Variants in SGCD observed in about 807,000 individuals in gnomAD.
The protein encoded by SGCD is delta-sarcoglycan.
Under a neutral mutation model 36.6 loss-of-function variants are expected in SGCD, and 18 were observed. That is an observed-to-expected ratio of 0.49 (90% CI 0.34 to 0.73). SGCD has a LOEUF of 0.73. Ranked by LOEUF, SGCD falls within the 30% of genes least tolerant of loss-of-function variation. SGCD has a pLI of 0.01. For synonymous variants in SGCD, 133 were observed against 130.6 expected, an observed-to-expected ratio of 1.02 and a Z score of -0.12; for missense variants, 387 against 346.7, an observed-to-expected ratio of 1.12 and a Z score of -0.92.
At chr5:156,346,591 C>T (rs1475910491) in intron 3 of SGCD, among the ~76,000 whole-genome samples, 2 of 152,140 alleles carry the variant, frequency 1.3e-5, no homozygotes, top group Non-Finnish European at 1.5e-5. Context: ...TGAGACATCA[C>T]ATCCAGCTAA....
At chr5:156,240,670 A>C (rs899244746) in intron 3 of SGCD, among the ~76,000 whole-genome samples, 1 of 152,136 alleles carries the variant, frequency 6.6e-6, no homozygotes, top group Admixed American at 6.5e-5. Flanking sequence ...AATTTGGCAG[A>C]GTGCTTCTTC....
At chr5:155,909,103 G>A (rs1360436844) in intron 1 of SGCD, among the ~76,000 whole-genome samples, 1 of 151,988 alleles carries the variant, frequency 6.6e-6, no homozygotes, top group Non-Finnish European at 1.5e-5. Context: ...GAGAGGGTGG[G>A]GAATAATCTG....
chr5:156,465,054 T>C (rs1349628933), intron 3 of SGCD, among the ~76,000 whole-genome samples: 1 of 152,060 alleles, frequency 6.6e-6, no homozygotes, highest in Admixed American at 6.6e-5. Flanking sequence ...ATAAATTGGA[T>C]GTTACTGGAC....
intron 2 of SGCD, among the ~76,000 whole-genome samples, chr5:156,119,253 T>A (rs1435602445): frequency 2.0e-5 from 3 of 152,254 alleles, no homozygotes; most frequent in Middle Eastern, 3.4e-3. Flanking sequence ...CAGAACTAGG[T>A]TTAATCAGAA....
At chr5:156,409,533 T>A (rs1772628524) in intron 3 of SGCD, among the ~76,000 whole-genome samples, 1 of 152,204 alleles carries the variant, frequency 6.6e-6, no homozygotes, top group African/African-American at 2.4e-5. Flanking sequence ...AGCATACCCC[T>A]TTCCTTTCCT....
chr5:156,117,805 A>C (rs1428100794), intron 1 of SGCD: 1 of 152,118 alleles, frequency 6.6e-6, no homozygotes, highest in Non-Finnish European at 1.5e-5. Context: ...ATATCAAAAC[A>C]AAATAATATC....
chr5:155,999,754 A>AAT (rs2127567516), intron 1 of SGCD, among the ~76,000 whole-genome samples: 1 of 152,350 alleles, frequency 6.6e-6, no homozygotes, highest in East Asian at 1.9e-4. Context: ...CAGATGGGTA[A>AAT]ATGTCCTTCT....
intron 3 of SGCD, among the ~76,000 whole-genome samples, chr5:156,255,838 C>G (rs1037747816): frequency 3.3e-5 from 5 of 151,760 alleles, no homozygotes; most frequent in African/African-American, 1.2e-4. Flanking sequence ...GTATTTTTTT[C>G]TATTTTAATA....
chr5:156,623,435 C>T (rs549625869), intron 6 of SGCD, among the ~76,000 whole-genome samples: 7 of 152,178 alleles, frequency 4.6e-5, no homozygotes, highest in Non-Finnish European at 1.0e-4. Context: ...GAAAAAGAGT[C>T]GTGCAGCCTG....
At chr5:156,638,820 G>A (rs1762926031) in intron 6 of SGCD, among the ~76,000 whole-genome samples, 1 of 152,032 alleles carries the variant, frequency 6.6e-6, no homozygotes, top group African/African-American at 2.4e-5. Context: ...TTGCCAGGAT[G>A]TTTTTATACG....
chr5:156,338,899 C>G (rs1010591753), intron 2 of SGCD, among the ~76,000 whole-genome samples: 2 of 152,142 alleles, frequency 1.3e-5, no homozygotes, highest in Non-Finnish European at 2.9e-5. Flanking sequence ...CTTGACTTCA[C>G]AAGCCCAAGT....
intron 1 of SGCD, among the ~76,000 whole-genome samples, chr5:155,921,681 T>A (rs545036181): frequency 6.6e-6 from 1 of 152,158 alleles, no homozygotes; most frequent in Non-Finnish European, 1.5e-5. Context: ...AAACCTGAAC[T>A]CAGGCAAAAA....
At chr5:156,350,006 C>A (rs931720785) in intron 3 of SGCD, among the ~76,000 whole-genome samples, 11 of 151,544 alleles carry the variant, frequency 7.3e-5, no homozygotes, top group African/African-American at 2.7e-4. Context: ...ACCACATGTT[C>A]TTTTTGATAA....
At chr5:156,551,387 C>T (rs1013814290) in intron 4 of SGCD, among the ~76,000 whole-genome samples, 4 of 152,166 alleles carry the variant, frequency 2.6e-5, no homozygotes, top group African/African-American at 9.7e-5. Flanking sequence ...CAAATATGCA[C>T]ACTCTTTCTC....
chr5:156,386,185 T>C (rs1771267558), intron 3 of SGCD, among the ~76,000 whole-genome samples: 1 of 152,176 alleles, frequency 6.6e-6, no homozygotes, highest in Non-Finnish European at 1.5e-5. Flanking sequence ...TGAATCAGAT[T>C]GTGTGGTCAG....
the SGCD span, among the ~76,000 whole-genome samples, chr5:155,744,987 G>A: frequency 1.3e-5 from 2 of 152,170 alleles, no homozygotes; most frequent in African/African-American, 4.8e-5. Flanking sequence ...CATTCAGAGA[G>A]CAAAGACAGA....
chr5:156,487,106 A>G (rs1322839398), intron 3 of SGCD, among the ~76,000 whole-genome samples: 14 of 152,148 alleles, frequency 9.2e-5, no homozygotes. Context: ...CCGAAGATGC[A>G]TACCCAGCCT....
At chr5:156,295,492 G>T (rs1401449590) in intron 3 of SGCD, among the ~76,000 whole-genome samples, 8 of 151,598 alleles carry the variant, frequency 5.3e-5, no homozygotes, top group Non-Finnish European at 1.0e-4. Context: ...CCTTCCTTCT[G>T]CTATCATTGG....
chr5:155,975,609 C>CT (rs763067309), intron 1 of SGCD, among the ~76,000 whole-genome samples: 298 of 28,012 alleles, frequency 0.011, 123 homozygotes, highest in Non-Finnish European at 0.013. Flanking sequence ...TCTTTCTTTC[C>CT]TTTTTTTTTT....
Sources: allele counts gnomAD v4.1 joint callset (sites outside exome capture counted in the v4.1 genomes callset), GRCh38; gene constraint gnomAD v4.1.1; transcripts MANE v1.5; gene names NCBI Gene and HGNC (gene_info 2026-07-23, HGNC 2026-07-21).